The following HSD3B7 variants were observed in gnomAD, a reference collection of about 807,000 sequenced individuals.
The protein encoded by HSD3B7 is hydroxy-delta-5-steroid dehydrogenase, 3 beta- and steroid delta-isomerase 7, also known as 3 beta-hydroxysteroid dehydrogenase type 7.
In HSD3B7, 35 loss-of-function variants were observed where a neutral mutation model predicts 34.3. The observed-to-expected ratio is 1.02, with a 90% CI of 0.78 to 1.35. HSD3B7 has a LOEUF of 1.35. Ranked by LOEUF, HSD3B7 falls within the 40% of genes most tolerant of loss-of-function variation. HSD3B7 has a pLI of 0.00. For missense variants in HSD3B7, 426 were observed against 504.7 expected, an observed-to-expected ratio of 0.84 and a Z score of 1.49; for synonymous variants, 217 against 220.1, an observed-to-expected ratio of 0.99 and a Z score of 0.13.
chr16:30,986,720 G>A lies in HSD3B7; in HGVS notation c.531+16G>A, dbSNP rs1012037105. ...CGGGAGGAAGGTGAGCCCAGAAAAA[G>A]GAGGCGCAGAGATGGGGCTCCTGCC... is the stretch of plus-strand genomic sequence containing the variant. On this transcript the variant is annotated intron_variant, in intron 5 of 6. Coordinates refer to ENST00000297679, the MANE Select transcript of HSD3B7 (RefSeq NM_025193.4). The A allele has an allele frequency of 5.6e-6, 9 of 1,613,436 alleles. No individual in the cohort carries two copies. The highest frequency in any genetic ancestry group is 7.6e-6 in the Non-Finnish European group (9 of 1,179,660).
intron 6 of HSD3B7, chr16:30,987,531 GC>G: frequency 1.7e-6 from 1 of 595,780 alleles, no homozygotes; most frequent in Non-Finnish European, 3.0e-6. Flanking sequence ...GCCTCTCAGG[GC>G]CCACCACGCA....
At chr16:30,985,938 G>C in intron 2 of HSD3B7, 111 bp from the exon 3 acceptor site, 2 of 1,578,052 alleles carry the variant, frequency 1.3e-6, no homozygotes, top group Non-Finnish European at 1.7e-6. Flanking sequence ...TGTCCACATG[G>C]ATGGGTCGAG....
At chr16:30,987,355 G>T in intron 6 of HSD3B7, 1 of 422,188 alleles carries the variant, frequency 2.4e-6, no homozygotes, top group Non-Finnish European at 4.4e-6. Flanking sequence ...GCTGAGGCGG[G>T]AGGATGGCCT....
At chr16:30,986,783 G>A in intron 5 of HSD3B7, 57 bp from the exon 6 acceptor site, 4 of 1,613,144 alleles carry the variant, frequency 2.5e-6, no homozygotes, top group Non-Finnish European at 3.4e-6. Context: ...AAGGAGGCCG[G>A]GGCCGAGAGC....
In HSD3B7 at chr16:30,986,890, C is replaced by T; in HGVS notation, c.582C>T (p.Ile194=). The T allele has an allele frequency of 6.2e-7, 1 of 1,613,940 alleles. No individual in the cohort carries two copies. The highest frequency in any genetic ancestry group is 8.5e-7 in the Non-Finnish European group (1 of 1,180,028). ...CGTGTGCCCTTCGTCCCACGGGCAT[C>T]TACGGTGAAGGCCACCAGATCATGA... The part of the protein sequence containing the change: ...LVTCALRPTG[I]YGEGHQIMRD... Residue 194 remains isoleucine (I), a synonymous_variant, in exon 6 of 7, where the codon ATC becomes ATT. Transcript: ENST00000297679.
chr16:30,987,713 T>G, intron 6 of HSD3B7, 55 bp from the exon 7 acceptor site: 1 of 1,591,526 alleles, frequency 6.3e-7, no homozygotes, highest in Non-Finnish European at 8.5e-7. Context: ...GCAGCCTCGA[T>G]GTGGTGTTGC....
Position 30,986,095 on chromosome 16 carries a change from T to A in HSD3B7, c.213T>A (p.His71Gln). The change falls in exon 3 of 7, where the codon CAT becomes CAA. Residue 71 changes from histidine (H) to glutamine (Q), a missense_variant. His to Gln is a conservative substitution (Grantham distance 24). Coordinates refer to ENST00000297679, the MANE Select transcript of HSD3B7 (RefSeq NM_025193.4). ...TCCAGGGGGACGTGACCCAGGCCCA[T>A]GAGGTGGCAGCAGCTGTGGCCGGAG... ...TAIQGDVTQA[H>Q]EVAAAVAGAH... The A allele has an allele frequency of 6.2e-7, 1 of 1,611,526 alleles. No individual in the cohort carries two copies. The highest frequency in any genetic ancestry group is 8.5e-7 in the Non-Finnish European group (1 of 1,178,002).
Position 30,986,884 on chromosome 16 carries a change from G to T in HSD3B7, c.576G>T (p.Thr192=). The T allele has an allele frequency of 6.2e-7, 1 of 1,613,944 alleles. No individual in the cohort carries two copies. Among genetic ancestry groups the T allele is most frequent in the East Asian group, 2.2e-5 (1 of 44,884 alleles). The change falls in exon 6 of 7, where the codon ACG becomes ACT. Residue 192 remains threonine (T), a synonymous_variant. Transcript: ENST00000297679. ...LPLVTCALRP[T]GIYGEGHQIM... is the part of the protein sequence containing the mutation. ...TGGTGACGTGTGCCCTTCGTCCCAC[G>T]GGCATCTACGGTGAAGGCCACCAGA...
intron 1 of HSD3B7, 108 bp from the exon 2 acceptor site, chr16:30,985,545 C>G (rs751353899): frequency 3.0e-5 from 46 of 1,531,610 alleles, no homozygotes; most frequent in Non-Finnish European, 4.0e-5. Flanking sequence ...CAGCTCTGCC[C>G]TCCCCGCAAA....
At position 30,987,904 on chromosome 16, in the gene HSD3B7, C is replaced by T. The variant is rs913963456; in HGVS notation, c.831C>T (p.Gly277=). The T allele has an allele frequency of 1.2e-6, 2 of 1,613,960 alleles. No individual in the cohort carries two copies. Among genetic ancestry groups the T allele is most frequent in the Non-Finnish European group, 8.5e-7 (1 of 1,179,996 alleles). Residue 277 remains glycine, a synonymous_variant, in exon 7 of 7, where the codon GGC becomes GGT. Transcript: ENST00000297679. ...AGGATTTCAACATGGAGTTCCTGGG[C>T]CCCTGCGGACTGCGGCTGGTGGGCG... ...SYEDFNMEFL[G]PCGLRLVGAR... is the part of the protein sequence containing the mutation.
chr16:30,988,253 C>T lies in HSD3B7; in HGVS notation c.*70C>T, dbSNP rs778853666. The T allele has an allele frequency of 7.7e-6, 11 of 1,433,026 alleles. No individual in the cohort carries two copies. The highest frequency in any genetic ancestry group is 2.8e-5 in the African/African-American group (2 of 70,588). The allele number at this position is 1,433,026 out of a possible 1,614,324, so 88.8% of individuals were successfully genotyped here. ...AGGTCCCGAGCCCTCACACCCTGGA[C>T]GGGAAGGGACAGCTGCATTCCAGAG... On this transcript the variant is annotated 3_prime_UTR_variant, in exon 7 of 7. Coordinates refer to ENST00000297679, the MANE Select transcript of HSD3B7 (RefSeq NM_025193.4).
intron 6 of HSD3B7, chr16:30,987,208 G>A (rs1280772113): frequency 1.6e-6 from 1 of 610,504 alleles, no homozygotes; most frequent in Non-Finnish European, 2.9e-6. Flanking sequence ...ATTAAAAAGT[G>A]TATCATAGGC....
chr16:30,988,100 G>T lies in HSD3B7; in HGVS notation c.1027G>T (p.Gly343Cys). 1.2e-6 allele frequency: 2 copies of T among 1,605,970 alleles called. No homozygotes were observed. Among genetic ancestry groups the T allele is most frequent in the Non-Finnish European group, 1.7e-6 (2 of 1,178,432 alleles). ...CACCGACAAGGCTCAGCGCCATTTC[G>T]GCTATGAGCCCCTGTTCTCGTGGGA... ...VSTDKAQRHFGYEPLFSWEDS... is the reference protein window; with the variant it reads ...VSTDKAQRHFCYEPLFSWEDS... The change falls in exon 7 of 7, where the codon GGC (glycine) becomes TGC (cysteine). Residue 343 changes from glycine to cysteine, a missense_variant. Physicochemically the swap from Gly to Cys is radical, Grantham distance 159. Coordinates refer to ENST00000297679, the MANE Select transcript of HSD3B7 (RefSeq NM_025193.4).
chr16:30,987,519 A>C (rs1295971692), intron 6 of HSD3B7: 14 of 584,858 alleles, frequency 2.4e-5, no homozygotes, highest in Non-Finnish European at 4.3e-5. Flanking sequence ...TGCAGTCCCC[A>C]AGCCTCTCAG....
In HSD3B7 at chr16:30,986,109, C is replaced by G; in HGVS notation, c.227C>G (p.Ala76Gly). ...DVTQAHEVAAAVAGAHVVIHT... is the reference protein window; with the variant it reads ...DVTQAHEVAAGVAGAHVVIHT... ...ACCCAGGCCCATGAGGTGGCAGCAG[C>G]TGTGGCCGGAGCCCATGTGGTCATC... The change falls in exon 3 of 7, where the codon GCT becomes GGT. Residue 76 changes from alanine to glycine, a missense_variant. By Grantham distance (60) the Ala-to-Gly change is moderately conservative. Transcript: ENST00000297679. 1.2e-6 allele frequency: 2 copies of G among 1,613,970 alleles called. No individual in the cohort carries two copies. Among genetic ancestry groups the G allele is most frequent in the Non-Finnish European group, 1.7e-6 (2 of 1,180,038 alleles).
chr16:30,985,690 T>C lies in HSD3B7; in HGVS notation c.32T>C (p.Val11Ala). 6.2e-7 allele frequency: 1 copy of C among 1,608,254 alleles called. No individual in the cohort carries two copies. The highest frequency in any genetic ancestry group is 8.5e-7 in the Non-Finnish European group (1 of 1,179,430). The change falls in exon 2 of 7, where the codon GTG becomes GCG. Residue 11 changes from valine (V) to alanine (A), a missense_variant. Transcript: ENST00000297679. ...GACTCTGCACAGGCCCAGAAGCTGGTGTACCTGGTCACAGGGGGCTGTGGC... is the reference window on the plus strand; with the variant it reads ...GACTCTGCACAGGCCCAGAAGCTGGCGTACCTGGTCACAGGGGGCTGTGGC... Reference protein sequence around the residue: MADSAQAQKLVYLVTGGCGFL... With the variant: MADSAQAQKLAYLVTGGCGFL...
At position 30,986,844 on chromosome 16, in the gene HSD3B7, G is replaced by C. The variant is rs372463127; in HGVS notation, c.536G>C (p.Arg179Pro). Residue 179 changes from arginine (R) to proline (P), a missense_variant, in exon 6 of 7, where the codon CGT becomes CCT. Coordinates refer to ENST00000297679, the MANE Select transcript of HSD3B7 (RefSeq NM_025193.4). ...AGTACCTGCCTTTGCCACCAGGTCC[G>C]TGGGGGGCTGCCCCTGGTGACGTGT... is the stretch of plus-strand genomic sequence containing the variant. ...LVLEANGRKV[R>P]GGLPLVTCAL... The C allele has an allele frequency of 6.2e-7, 1 of 1,613,892 alleles. No individual in the cohort carries two copies.
chr16:30,988,997 T>A lies in HSD3B7; in HGVS notation c.*814T>A, dbSNP rs529567080. ...AGGCCTCACCTTCAACTGTCTGTCTTAGAATTCCCCTCTGGAGGGCTATGG... is the reference window on the plus strand; with the variant it reads ...AGGCCTCACCTTCAACTGTCTGTCTAAGAATTCCCCTCTGGAGGGCTATGG... On this transcript the variant is annotated 3_prime_UTR_variant, in exon 7 of 7. Transcript: ENST00000297679. 1 of 152,406 alleles carries A rather than the reference T, an allele frequency of 6.6e-6. No homozygotes were observed. Among genetic ancestry groups the A allele is most frequent in the South Asian group, 2.1e-4 (1 of 4,830 alleles). The allele number at this position is 152,406 out of a possible 1,614,324, so 9.4% of individuals were successfully genotyped here. A position where few individuals can be genotyped will look rare whatever the true frequency, so the allele number is the denominator to read the frequency against.
intron 6 of HSD3B7, chr16:30,987,516 C>T (rs1292944691): frequency 6.9e-6 from 4 of 582,586 alleles, no homozygotes; most frequent in Non-Finnish European, 9.2e-6. Context: ...TCCTGCAGTC[C>T]CCAAGCCTCT....
Sources: gnomAD v4.1 joint callset for allele counts on GRCh38, gnomAD v4.1.1 for gene constraint, MANE v1.5 for transcripts, NCBI Gene and HGNC (gene_info 2026-07-23, HGNC 2026-07-21) for gene names.